Variants in CFAP210 observed in about 807,000 individuals in gnomAD.
CFAP210 encodes the protein cilia and flagella associated protein 210.
At chr2:169,681,061 T>G in the CFAP210 span, 1 of 1,613,946 alleles carries the variant, frequency 6.2e-7, no homozygotes, top group Non-Finnish European at 8.5e-7. Context: ...AATGCATTTC[T>G]TTCTTTGCCT....
the CFAP210 span, among the ~76,000 whole-genome samples, chr2:169,647,210 G>T: frequency 2.6e-5 from 4 of 151,842 alleles, no homozygotes; most frequent in Non-Finnish European, 5.9e-5. Flanking sequence ...AGCTAAAATC[G>T]ATCTCTAATC....
At chr2:169,676,762 T>C in the CFAP210 span, among the ~76,000 whole-genome samples, 1 of 152,024 alleles carries the variant, frequency 6.6e-6, no homozygotes, top group Non-Finnish European at 1.5e-5. Context: ...TAATGTATAC[T>C]GCAACAAAGT....
At chr2:169,653,354 G>A in the CFAP210 span, among the ~76,000 whole-genome samples, 1 of 151,784 alleles carries the variant, frequency 6.6e-6, no homozygotes, top group Admixed American at 6.6e-5. Flanking sequence ...AGGTCTGAGG[G>A]ATAAGGCTGG....
At chr2:169,650,251 G>A in the CFAP210 span, 1 of 1,340,936 alleles carries the variant, frequency 7.5e-7, no homozygotes, top group South Asian at 2.2e-5. Context: ...TGGTTAGAGA[G>A]GCAGATGAGA....
chr2:169,651,226 GAAA>G, the CFAP210 span, among the ~76,000 whole-genome samples: 2 of 102,052 alleles, frequency 2.0e-5, no homozygotes, highest in Admixed American at 9.8e-5. Flanking sequence ...GACTCTGTCT[GAAA>G]AAAAAAAAAA....
At chr2:169,645,695 T>TA in the CFAP210 span, 1 of 619,850 alleles carries the variant, frequency 1.6e-6, no homozygotes, top group South Asian at 2.4e-5. Context: ...GTTTTATATA[T>TA]ACCCAAAAGA....
At chr2:169,657,559 A>C in the CFAP210 span, among the ~76,000 whole-genome samples, 5 of 152,148 alleles carry the variant, frequency 3.3e-5, no homozygotes, top group Admixed American at 6.6e-5. Flanking sequence ...CTCTATTAAA[A>C]GTACAAAAAT....
chr2:169,687,486 G>C, the CFAP210 span, among the ~76,000 whole-genome samples: 1 of 151,162 alleles, frequency 6.6e-6, no homozygotes, highest in Non-Finnish European at 1.5e-5. Flanking sequence ...AGGGGCTGCA[G>C]GACCCATGCA....
chr2:169,662,853 A>C, the CFAP210 span, among the ~76,000 whole-genome samples: 1 of 152,230 alleles, frequency 6.6e-6, no homozygotes, highest in African/African-American at 2.4e-5. Context: ...AAAGGAAGAA[A>C]GGTCTCCTTA....
chr2:169,646,049 T>G, the CFAP210 span: 10 of 1,613,786 alleles, frequency 6.2e-6, no homozygotes, highest in Non-Finnish European at 8.5e-6. Flanking sequence ...ATTTGTTGTT[T>G]CCGATTCAAG....
At chr2:169,666,511 T>G in the CFAP210 span, among the ~76,000 whole-genome samples, 1 of 150,936 alleles carries the variant, frequency 6.6e-6, no homozygotes, top group Non-Finnish European at 1.5e-5. Context: ...CTGTACTTTA[T>G]TTGTTTGTTT....
At chr2:169,691,750 C>A in the CFAP210 span, among the ~76,000 whole-genome samples, 15 of 152,138 alleles carry the variant, frequency 9.9e-5, no homozygotes, top group Non-Finnish European at 1.9e-4. Context: ...CTCTGGAAAT[C>A]AGATTTCTAC....
chr2:169,649,473 T>A, the CFAP210 span: 1 of 771,494 alleles, frequency 1.3e-6, no homozygotes, highest in African/African-American at 1.7e-5. Context: ...AGCAGAAAAG[T>A]GCATGCACCT....
At chr2:169,685,285 T>C in the CFAP210 span, among the ~76,000 whole-genome samples, 1 of 152,254 alleles carries the variant, frequency 6.6e-6, no homozygotes, top group Admixed American at 6.5e-5. Context: ...ACTGTCCCTT[T>C]ATTTTTTCAC....
the CFAP210 span, chr2:169,650,371 G>GT: frequency 6.3e-7 from 1 of 1,598,786 alleles, no homozygotes; most frequent in South Asian, 1.1e-5. Context: ...ATTCTGCTTT[G>GT]TTTTTTTCAT....
chr2:169,680,078 A>G, the CFAP210 span, among the ~76,000 whole-genome samples: 1 of 152,242 alleles, frequency 6.6e-6, no homozygotes, highest in Non-Finnish European at 1.5e-5. Context: ...TGACAAAACT[A>G]ATTTTAAAAT....
At chr2:169,648,494 C>G in the CFAP210 span, among the ~76,000 whole-genome samples, 2 of 152,098 alleles carry the variant, frequency 1.3e-5, no homozygotes, top group African/African-American at 4.8e-5. Context: ...TTAAAAAACT[C>G]AGCACTAAGA....
chr2:169,688,583 A>C, the CFAP210 span, among the ~76,000 whole-genome samples: 1 of 152,222 alleles, frequency 6.6e-6, no homozygotes, highest in Non-Finnish European at 1.5e-5. Context: ...TCAAAGTTCC[A>C]CAAATCTCTA....
chr2:169,650,655 A>G, the CFAP210 span: 21 of 1,110,216 alleles, frequency 1.9e-5, no homozygotes, highest in Non-Finnish European at 2.1e-5. Flanking sequence ...CTCCTTACAT[A>G]TATTATTTTA....
Sources: allele counts gnomAD v4.1 joint callset (sites outside exome capture counted in the v4.1 genomes callset), GRCh38; gene constraint gnomAD v4.1.1; transcripts MANE v1.5; gene names NCBI Gene and HGNC (gene_info 2026-07-23, HGNC 2026-07-21).